Variants in ELF3 observed in about 807,000 individuals in gnomAD.
ELF3 encodes the protein ETS-related transcription factor Elf-3.
ELF3 carries 18 observed loss-of-function variants against 43.9 expected under a neutral mutation model. The observed-to-expected ratio is 0.41, with a 90% CI of 0.28 to 0.61. The LOEUF (loss-of-function observed/expected upper bound fraction) is 0.61. Ranked by LOEUF, ELF3 falls within the 20% of genes least tolerant of loss-of-function variation. The probability of loss-of-function intolerance (pLI) is 0.30; values close to 1 mark genes in which losing one functional copy is unlikely to be tolerated. For missense variants in ELF3, 373 were observed against 487.7 expected (o/e 0.76, Z 2.21); for synonymous variants, 181 against 190.2 (o/e 0.95, Z 0.40).
In ELF3 at chr1:202,012,987, T is replaced by G. The variant is rs757558223; in HGVS notation, c.639T>G (p.Gly213=). Residue 213 remains glycine, a synonymous_variant, in exon 6 of 9, where the codon GGT becomes GGG. Transcript: ENST00000367284. The surrounding 1 kb of genome is among the most constrained non-coding windows in gnomAD (Gnocchi z 4.2). ...GGAGCTCCCACTCCTCAGACTCCGG[T>G]GGAAGTGACGTGGACCTGGATCCCA... is the stretch of plus-strand genomic sequence containing the variant. ...ASRSSHSSDS[G]GSDVDLDPTD... 2 of 1,613,508 alleles carry G rather than the reference T, an allele frequency of 1.2e-6. No homozygotes were observed. Among genetic ancestry groups the G allele is most frequent in the Non-Finnish European group, 1.7e-6 (2 of 1,179,812 alleles).
rs916230634 is a variant in ELF3, at chr1:202,015,196, T to G, written c.1002-13T>G. ...CTGCCAAAGCACCTCTGACCATCCT[T>G]CTCTTCACCCAGGTACTACTACAAA... On this transcript the variant is annotated splice_polypyrimidine_tract_variant and intron_variant, in intron 8 of 8. Coordinates refer to ENST00000367284, the MANE Select transcript of ELF3 (RefSeq NM_004433.5). 18 of 1,613,688 alleles carry G rather than the reference T, an allele frequency of 1.1e-5. No individual in the cohort carries two copies. Among genetic ancestry groups the G allele is most frequent in the Admixed American group, 3.3e-5 (2 of 59,974 alleles).
Position 202,015,606 on chromosome 1 carries a change from T to C in ELF3, c.*283T>C, listed in dbSNP as rs781505598. On this transcript the variant is annotated 3_prime_UTR_variant, in exon 9 of 9. Transcript: ENST00000367284. ...ATCTGGTGCCTCCTCAAACCCAGTC[T>C]CAGACACTAAATGCAGACAACACCT... 8.7e-5 allele frequency: 36 copies of C among 411,440 alleles called. No individual in the cohort carries two copies. The highest frequency in any genetic ancestry group is 1.6e-4 in the Non-Finnish European group (34 of 218,948). The allele number at this position is 411,440 out of a possible 1,614,324, so 25.5% of individuals were successfully genotyped here.
intron 1 of ELF3, 105 bp from the exon 2 acceptor site, chr1:202,011,023 CT>C (rs1327903763): frequency 2.3e-5 from 30 of 1,309,302 alleles, no homozygotes; most frequent in Non-Finnish European, 3.2e-5. Flanking sequence ...CTTCCTGCCC[CT>C]GGGGGCTACT....
In ELF3 at chr1:202,015,302, G is replaced by A; in HGVS notation, c.1095G>A (p.Glu365=). 3.7e-6 allele frequency: 6 copies of A among 1,614,124 alleles called. No homozygotes were observed. The highest frequency in any genetic ancestry group is 5.1e-6 in the Non-Finnish European group (6 of 1,180,022). ...GKNSSGWKEE[E]VLQSRN ...ACTCAAGCGGCTGGAAGGAGGAAGAGGTTCTCCAGAGTCGGAACTGAGGGT... is the reference window on the plus strand; with the variant it reads ...ACTCAAGCGGCTGGAAGGAGGAAGAAGTTCTCCAGAGTCGGAACTGAGGGT... The change falls in exon 9 of 9, where the codon GAG becomes GAA. Residue 365 remains glutamate (E), a synonymous_variant. Transcript: ENST00000367284.
rs1419672458 is a variant in ELF3, at chr1:202,012,890, A to C, written c.599-57A>C. On this transcript the variant is annotated intron_variant, in intron 5 of 8. Transcript: ENST00000367284. This position sits in a 1 kb window ranked among gnomAD's most constrained non-coding sequence, Gnocchi z 4.2. Reference sequence around the variant, plus strand: ...TGGGAAGTGTGTCCTGAGAGCCAGCAGCGTGGTTGAGCAGAGGGTGGGCCG... The same window carrying C: ...TGGGAAGTGTGTCCTGAGAGCCAGCCGCGTGGTTGAGCAGAGGGTGGGCCG... 24 of 1,570,556 alleles carry C rather than the reference A, an allele frequency of 1.5e-5. 1 individual carries two copies. The South Asian group carries it at 2.2e-4, about 14-fold the overall frequency.
In ELF3 at chr1:202,012,219, G is replaced by A. The variant is rs746286480; in HGVS notation, c.385+41G>A. ...TGGAGGCTGGGGAGCAGCTCCACATGTTGAGCTGAGTCGAGTTCAGTGTGG... is the reference window on the plus strand; with the variant it reads ...TGGAGGCTGGGGAGCAGCTCCACATATTGAGCTGAGTCGAGTTCAGTGTGG... On this transcript the variant is annotated intron_variant, in intron 3 of 8. Coordinates refer to ENST00000367284, the MANE Select transcript of ELF3 (RefSeq NM_004433.5). The surrounding 1 kb of genome is among the most constrained non-coding windows in gnomAD (Gnocchi z 4.2). 6.3e-7 allele frequency: 1 copy of A among 1,594,444 alleles called. No individual in the cohort carries two copies. The highest frequency in any genetic ancestry group is 8.5e-7 in the Non-Finnish European group (1 of 1,175,818).
At position 202,012,975 on chromosome 1, in the gene ELF3, C is replaced by T; in HGVS notation, c.627C>T (p.Ser209=). The T allele has an allele frequency of 1.9e-6, 3 of 1,613,706 alleles. No individual in the cohort carries two copies. Among genetic ancestry groups the T allele is most frequent in the Non-Finnish European group, 2.5e-6 (3 of 1,179,772 alleles). The stretch of plus-strand genomic sequence containing the variant: ...CTGGTGCTTCTCGGAGCTCCCACTC[C>T]TCAGACTCCGGTGGAAGTGACGTGG... The part of the protein sequence containing the change: ...AGTGASRSSH[S]SDSGGSDVDL... The change falls in exon 6 of 9, where the codon TCC becomes TCT. Residue 209 remains serine (S), a synonymous_variant. Transcript: ENST00000367284. The surrounding 1 kb of genome is among the most constrained non-coding windows in gnomAD (Gnocchi z 4.2).
intron 8 of ELF3, 144 bp from the exon 9 acceptor site, chr1:202,015,065 G>T: frequency 1.4e-6 from 1 of 696,038 alleles, no homozygotes; most frequent in Non-Finnish European, 2.5e-6. Context: ...GAGGAGTTTA[G>T]GAAGTGTGAG....
intron 8 of ELF3, 166 bp from the exon 9 acceptor site, chr1:202,015,043 G>A: frequency 1.6e-6 from 1 of 613,670 alleles, no homozygotes; most frequent in Admixed American, 2.6e-5. Flanking sequence ...CTGCTTGCCA[G>A]TGTGAAGAAC....
At chr1:202,014,259 G>T (rs529398248) in intron 8 of ELF3, among the ~76,000 whole-genome samples, 1 of 152,172 alleles carries the variant, frequency 6.6e-6, no homozygotes, top group Admixed American at 6.5e-5. Flanking sequence ...TTCTTGTATC[G>T]CCTGTGAGGC....
rs1276680407 is a variant in ELF3, at chr1:202,014,038, C to T, written c.1001+14C>T. On this transcript the variant is annotated intron_variant, in intron 8 of 8. Transcript: ENST00000367284. Reference sequence around the variant, plus strand: ...CCGGGCCATGAGGTGAGCTGGCGGCCAGGACCCTCACGATACAGCCGGACA... The same window carrying T: ...CCGGGCCATGAGGTGAGCTGGCGGCTAGGACCCTCACGATACAGCCGGACA... 1 of 1,599,800 alleles carries T rather than the reference C, an allele frequency of 6.3e-7. No individual in the cohort carries two copies. Among genetic ancestry groups the T allele is most frequent in the Non-Finnish European group, 8.5e-7 (1 of 1,170,326 alleles).
Position 202,015,474 on chromosome 1 carries a change from A to G in ELF3, c.*151A>G, listed in dbSNP as rs1313754461. The G allele has an allele frequency of 1.3e-6, 1 of 747,436 alleles. No homozygotes were observed. Among genetic ancestry groups the G allele is most frequent in the Non-Finnish European group, 2.2e-6 (1 of 458,814 alleles). 46.3% of individuals were successfully genotyped at this position (747,436 alleles called of 1,614,324 possible). On this transcript the variant is annotated 3_prime_UTR_variant, in exon 9 of 9. Transcript: ENST00000367284. ...CTGATGTTTTGGTGTATTGTCAGCCATCGTCCTGGGACTCGGAGACTATGG... is the reference window on the plus strand; with the variant it reads ...CTGATGTTTTGGTGTATTGTCAGCCGTCGTCCTGGGACTCGGAGACTATGG...
intron 8 of ELF3, chr1:202,014,997 T>G (rs1416192041): frequency 3.7e-6 from 2 of 538,746 alleles, no homozygotes; most frequent in Non-Finnish European, 3.4e-6. Flanking sequence ...CCCTGTGTCC[T>G]GGGCACGGTT....
At chr1:202,014,076 C>T (rs774498705) in intron 8 of ELF3, 52 bp downstream of exon 8, 17 of 1,538,218 alleles carry the variant, frequency 1.1e-5, no homozygotes, top group Non-Finnish European at 1.4e-5. Context: ...GGGACAGGCG[C>T]TCACACTCCC....
chr1:202,015,439 T>TGGA lies in ELF3; in HGVS notation c.*118_*120dup. On this transcript the variant is annotated 3_prime_UTR_variant, in exon 9 of 9. Coordinates refer to ENST00000367284, the MANE Select transcript of ELF3 (RefSeq NM_004433.5). The stretch of plus-strand genomic sequence containing the variant: ...CTGGGGAATGCTCCCAGCTGTGCTG[T>TGGA]GGAGAGAAGCTGATGTTTTGGTGTA... 1.0e-6 allele frequency: 1 copy of TGGA among 991,438 alleles called. No homozygotes were observed. 61.4% of individuals were successfully genotyped at this position (991,438 alleles called of 1,614,324 possible).
At position 202,010,951 on chromosome 1, in the gene ELF3, C is replaced by G. The variant is rs2102990905; in HGVS notation, c.-8-178C>G. On this transcript the variant is annotated intron_variant, in intron 1 of 8. Coordinates refer to ENST00000367284, the MANE Select transcript of ELF3 (RefSeq NM_004433.5). The surrounding 1 kb of genome is among the most constrained non-coding windows in gnomAD (Gnocchi z 4.3). The stretch of plus-strand genomic sequence containing the variant: ...AAGCCCAGCTGGAGGCTCCTGTGGT[C>G]CTGCCCTGGTCTGAGATCTTGGAGC... 1.6e-5 allele frequency: 10 copies of G among 642,732 alleles called. No homozygotes were observed. The South Asian group carries it at 1.8e-4, about 11-fold the overall frequency. The allele number at this position is 642,732 out of a possible 1,614,324, so 39.8% of individuals were successfully genotyped here. A position where few individuals can be genotyped will look rare whatever the true frequency, so the allele number is the denominator to read the frequency against.
intron 2 of ELF3, 72 bp from the exon 3 acceptor site, chr1:202,011,885 A>G (rs1684204748): frequency 3.3e-6 from 5 of 1,510,526 alleles, no homozygotes; most frequent in Non-Finnish European, 4.5e-6. Context: ...CTCAAAAAAA[A>G]AAAAAAAAAT....
Position 202,013,899 on chromosome 1 carries a change from C to A in ELF3, c.876C>A (p.Leu292=). 1 of 1,614,054 alleles carries A rather than the reference C, an allele frequency of 6.2e-7. No individual in the cohort carries two copies. Among genetic ancestry groups the A allele is most frequent in the Non-Finnish European group, 8.5e-7 (1 of 1,179,976 alleles). The part of the protein sequence containing the change: ...ILIHPELNEG[L]MKWENRHEGV... Reference sequence around the variant, plus strand: ...TCCACCCGGAGCTCAACGAGGGCCTCATGAAGTGGGAGAATCGGCATGAAG... The same window carrying A: ...TCCACCCGGAGCTCAACGAGGGCCTAATGAAGTGGGAGAATCGGCATGAAG... The change falls in exon 8 of 9, where the codon CTC becomes CTA. Residue 292 remains leucine, a synonymous_variant. Coordinates refer to ENST00000367284, the MANE Select transcript of ELF3 (RefSeq NM_004433.5). The surrounding 1 kb of genome is among the most constrained non-coding windows in gnomAD (Gnocchi z 5.7).
In ELF3 at chr1:202,012,458, C is replaced by G; in HGVS notation, c.478+22C>G. ...TTTGGTGAGAACCCGTTTTCTCCTT[C>G]CTTCCCCAGCCTGTCTTGTCCCATC... On this transcript the variant is annotated intron_variant, in intron 4 of 8. Coordinates refer to ENST00000367284, the MANE Select transcript of ELF3 (RefSeq NM_004433.5). This position sits in a 1 kb window ranked among gnomAD's most constrained non-coding sequence, Gnocchi z 4.2. 1 of 1,611,726 alleles carries G rather than the reference C, an allele frequency of 6.2e-7. No homozygotes were observed. Among genetic ancestry groups the G allele is most frequent in the South Asian group, 1.1e-5 (1 of 90,714 alleles).
Sources: gnomAD v4.1 joint callset for allele counts (sites outside exome capture counted in the v4.1 genomes callset) on GRCh38, gnomAD v4.1.1 for gene constraint, Gnocchi (gnomAD v3.1) non-coding constraint, MANE v1.5 for transcripts, NCBI Gene and HGNC (gene_info 2026-07-23, HGNC 2026-07-21) for gene names.